Variants in NFAM1 observed in about 807,000 individuals in gnomAD.
NFAM1 encodes NFAT activating protein with ITAM motif 1, also known as NFAT activation molecule 1.
In NFAM1, 17 loss-of-function variants were observed where a neutral mutation model predicts 29.0. That is an observed-to-expected ratio of 0.59 (90% confidence interval 0.40 to 0.88). NFAM1 has a LOEUF of 0.88. Among genes scored for constraint, NFAM1 ranks in the 40% least tolerant of loss-of-function variants. The pLI, the probability that NFAM1 is intolerant of heterozygous loss-of-function variation, is 0.00. For missense variants in NFAM1, 324 were observed against 344.6 expected (o/e 0.94, Z 0.47); for synonymous variants, 175 against 147.2 (o/e 1.19, Z -1.36).
Position 42,409,532 on chromosome 22 carries a change from T to C in NFAM1, c.467A>G (p.Glu156Gly). The change falls in exon 3 of 6, where the codon GAG becomes GGG. Residue 156 changes from glutamate to glycine, a missense_variant. Physicochemically the swap from Glu to Gly is moderately conservative, Grantham distance 98. Transcript: ENST00000329021. This position sits in a 1 kb window ranked among gnomAD's most constrained non-coding sequence, Gnocchi z 4.9. The stretch of plus-strand genomic sequence containing the variant: ...GAGCTTCTGTGGACTCTGCGGGGGC[T>C]CTCGGTACCCTGCGTCTAGGAGGAA... The part of the protein sequence containing the change: ...FILVRDAGYR[E>G]PPQSPQKLLL... The C allele has an allele frequency of 6.5e-7, 1 of 1,527,646 alleles. No individual in the cohort carries two copies. Among genetic ancestry groups the C allele is most frequent in the South Asian group, 1.3e-5 (1 of 79,580 alleles). The allele number at this position is 1,527,646 out of a possible 1,614,324, so 94.6% of individuals were successfully genotyped here.
chr22:42,404,298 C>A (rs1452462956), intron 3 of NFAM1, among the ~76,000 whole-genome samples: 2 of 152,058 alleles, frequency 1.3e-5, no homozygotes, highest in African/African-American at 4.8e-5. Context: ...CCACCCTCTG[C>A]CACTTCTGGT....
chr22:42,411,311 G>A, intron 2 of NFAM1, 96 bp downstream of exon 2: 4 of 967,062 alleles, frequency 4.1e-6, no homozygotes, highest in Admixed American at 4.4e-5. Flanking sequence ...GAGCCACTGC[G>A]CCTGGCCCCA....
At chr22:42,423,112 C>CAAAAAAAAAAAA (rs71184892) in intron 1 of NFAM1, among the ~76,000 whole-genome samples, 5 of 75,678 alleles carry the variant, frequency 6.6e-5, no homozygotes, top group African/African-American at 1.5e-4. Flanking sequence ...GACTCCATCT[C>CAAAAAAAAAAAA]AAAAAAAAAA....
At chr22:42,398,017 ACC>A (rs1929591477) in intron 3 of NFAM1, 61 bp from the exon 4 acceptor site, 1 of 861,800 alleles carries the variant, frequency 1.2e-6, no homozygotes, top group African/African-American at 1.7e-5. Flanking sequence ...CCCCGCACAG[ACC>A]CCCCAGGGGA....
At chr22:42,393,208 C>T (rs944378137) in intron 4 of NFAM1, among the ~76,000 whole-genome samples, 2 of 151,794 alleles carry the variant, frequency 1.3e-5, no homozygotes, top group East Asian at 1.9e-4. Flanking sequence ...CACAATCATA[C>T]TGGCAGATTT....
At chr22:42,418,930 CTCCAGCT>C (rs1302589915) in intron 1 of NFAM1, among the ~76,000 whole-genome samples, 1 of 152,200 alleles carries the variant, frequency 6.6e-6, no homozygotes, top group African/African-American at 2.4e-5. Context: ...TGCCTTCAGC[CTCCAGCT>C]GCTCTTCTCC....
chr22:42,403,215 C>T (rs1929786221), intron 3 of NFAM1, among the ~76,000 whole-genome samples: 1 of 152,166 alleles, frequency 6.6e-6, no homozygotes, highest in African/African-American at 2.4e-5. Flanking sequence ...CCTGGAGCAC[C>T]CAGCTCAAGC....
chr22:42,436,327 G>A (rs1052032027), upstream of NFAM1, among the ~76,000 whole-genome samples: 5 of 152,188 alleles, frequency 3.3e-5, no homozygotes, highest in Non-Finnish European at 7.3e-5. Context: ...GAGCTGAGCC[G>A]ACCAGCAGGA....
chr22:42,389,230 G>A (rs1929250211), intron 4 of NFAM1, among the ~76,000 whole-genome samples: 2 of 152,316 alleles, frequency 1.3e-5, no homozygotes, highest in South Asian at 4.1e-4. Context: ...GGTGATGCAG[G>A]GCCAGAGAAG....
rs563473404 is a variant in NFAM1 at position 42,429,353 on chromosome 22, C to T, written c.121+2884G>A. ...AAACTGGGCCGGGTGCGGTGGCTCACGCCTGTAATCCCAGCACTTTGGGAG... is the reference window on the plus strand; with the variant it reads ...AAACTGGGCCGGGTGCGGTGGCTCATGCCTGTAATCCCAGCACTTTGGGAG... On this transcript the variant is annotated intron_variant, in intron 1 of 5. Transcript: ENST00000329021. 5.3e-5 allele frequency among the ~76,000 whole-genome samples: 8 copies of T among 152,324 alleles called. No homozygotes were observed. The South Asian group carries it at 6.2e-4, about 12-fold the overall frequency.
intron 3 of NFAM1, among the ~76,000 whole-genome samples, chr22:42,401,696 A>C (rs1281167255): frequency 2.6e-5 from 4 of 151,982 alleles, no homozygotes; most frequent in African/African-American, 7.2e-5. Flanking sequence ...ATGAATCACG[A>C]GTGTGGCTTC....
rs1930379436 is a variant in NFAM1 at position 42,419,974 on chromosome 22, T to G, written c.122-8238A>C. Among the ~76,000 whole-genome samples the G allele has an allele frequency of 6.7e-6, 1 of 149,398 alleles. No homozygotes were observed. The highest frequency in any genetic ancestry group is 2.5e-5 in the African/African-American group (1 of 40,544). ...ATTTTAAGCTGGGTCCCTTTGAGTC[T>G]GTAATCCCACTCTTGGTTTTTTTTT... On this transcript the variant is annotated intron_variant, in intron 1 of 5. Coordinates refer to ENST00000329021, the MANE Select transcript of NFAM1 (RefSeq NM_145912.8). This position sits in a 1 kb window ranked among gnomAD's most constrained non-coding sequence, Gnocchi z 4.5.
chr22:42,399,699 C>T (rs1013178948), intron 3 of NFAM1, among the ~76,000 whole-genome samples: 5 of 152,092 alleles, frequency 3.3e-5, no homozygotes, highest in East Asian at 1.9e-4. Context: ...AGTCACGAGG[C>T]GGTACAGGCA....
At position 42,383,511 on chromosome 22, in the gene NFAM1, CA is replaced by C. The variant is rs1312132803; in HGVS notation, c.*1649del. 6.5e-6 allele frequency: 1 copy of C among 152,750 alleles called. No individual in the cohort carries two copies. Among genetic ancestry groups the C allele is most frequent in the Non-Finnish European group, 1.5e-5 (1 of 68,070 alleles). 9.5% of individuals were successfully genotyped at this position (152,750 alleles called of 1,614,324 possible). On this transcript the variant is annotated 3_prime_UTR_variant, in exon 6 of 6. Coordinates refer to ENST00000329021, the MANE Select transcript of NFAM1 (RefSeq NM_145912.8). ...AAGCCCTCCTTGCCATGTGTGCTTGCAGGCGGGGGCCCAGAACCAAGTTGGG... is the reference window on the plus strand; with the variant it reads ...AAGCCCTCCTTGCCATGTGTGCTTGCGGCGGGGGCCCAGAACCAAGTTGGG...
chr22:42,391,525 G>A (rs1343259493), intron 4 of NFAM1, among the ~76,000 whole-genome samples: 1 of 152,160 alleles, frequency 6.6e-6, no homozygotes, highest in African/African-American at 2.4e-5. Context: ...TTTGTTGATA[G>A]ATCAGATATG....
chr22:42,400,898 T>C (rs1320755507), intron 3 of NFAM1, among the ~76,000 whole-genome samples: 1 of 152,178 alleles, frequency 6.6e-6, no homozygotes, highest in Non-Finnish European at 1.5e-5. Flanking sequence ...TCATGGGCAG[T>C]GGGTCTCCCG....
chr22:42,423,148 C>T (rs1454016778), intron 1 of NFAM1, among the ~76,000 whole-genome samples: 2 of 139,608 alleles, frequency 1.4e-5, no homozygotes, highest in African/African-American at 5.6e-5. Flanking sequence ...GTGAGGGGAA[C>T]AGACCCCCCA....
chr22:42,406,107 G>A (rs1211127226), intron 3 of NFAM1, among the ~76,000 whole-genome samples: 1 of 100,768 alleles, frequency 9.9e-6, no homozygotes, highest in East Asian at 4.3e-4. Context: ...CAGCTTCCTC[G>A]CCTGCTCTTC....
At chr22:42,385,277 G>C (rs755747236) in intron 5 of NFAM1, 57 bp from the exon 6 acceptor site, 281 of 1,242,502 alleles carry the variant, frequency 2.3e-4, no homozygotes, top group Non-Finnish European at 3.0e-4. Context: ...TGACCATTAA[G>C]AATGAACTTG....
Sources: allele counts gnomAD v4.1 joint callset (sites outside exome capture counted in the v4.1 genomes callset), GRCh38; gene constraint gnomAD v4.1.1; non-coding constraint Gnocchi (gnomAD v3.1); transcripts MANE v1.5; gene names NCBI Gene and HGNC (gene_info 2026-07-23, HGNC 2026-07-21).